Variants in ANO3 observed in about 807,000 individuals in gnomAD.
ANO3 encodes anoctamin 3, also known as anoctamin-3.
ANO3 carries 99 observed loss-of-function variants against 144.8 expected under a neutral mutation model. That is an observed-to-expected ratio of 0.68 (90% CI 0.58 to 0.81). The LOEUF (loss-of-function observed/expected upper bound fraction) is 0.81. ANO3 is among the 30% of genes least tolerant of loss of function. The probability of loss-of-function intolerance (pLI) is 0.00; values close to 1 mark genes in which losing one functional copy is unlikely to be tolerated. For missense variants in ANO3, 905 were observed against 1,202.2 expected (o/e 0.75, Z 3.66); for synonymous variants, 414 against 392.6 (o/e 1.05, Z -0.64).
chr11:26,556,635 A>C (rs1315674137), intron 13 of ANO3, among the ~76,000 whole-genome samples: 2 of 152,124 alleles, frequency 1.3e-5, no homozygotes, highest in Non-Finnish European at 2.9e-5. Flanking sequence ...TCTAGGACCA[A>C]ATTTTTTAAA....
chr11:26,562,988 A>G (rs1850353535), intron 14 of ANO3: 1 of 1,319,732 alleles, frequency 7.6e-7, no homozygotes, highest in African/African-American at 1.5e-5. Flanking sequence ...GTGGATCAGA[A>G]TAAGTCTTTA....
chr11:26,281,676 G>C (rs777899843), intron 1 of ANO3, among the ~76,000 whole-genome samples: 2 of 152,050 alleles, frequency 1.3e-5, no homozygotes, highest in Non-Finnish European at 2.9e-5. Flanking sequence ...AAAATATTTT[G>C]TCAGGAAAGC....
intron 17 of ANO3, among the ~76,000 whole-genome samples, chr11:26,608,920 G>C (rs993241338): frequency 3.3e-5 from 5 of 152,312 alleles, no homozygotes; most frequent in East Asian, 3.9e-4. Flanking sequence ...CCTTCAAAGA[G>C]CTCAAAGGGC....
chr11:26,487,250 T>C (rs1860489210), intron 4 of ANO3, among the ~76,000 whole-genome samples: 3 of 152,190 alleles, frequency 2.0e-5, no homozygotes, highest in Admixed American at 2.0e-4. Flanking sequence ...AGTGAATAAA[T>C]CTCAAGAGAT....
At chr11:26,478,136 A>G (rs1860058228) in intron 4 of ANO3, among the ~76,000 whole-genome samples, 1 of 152,150 alleles carries the variant, frequency 6.6e-6, no homozygotes, top group Non-Finnish European at 1.5e-5. Context: ...CCCCAGGGAA[A>G]CACTATATTG....
At chr11:26,342,428 T>A (rs188187873) in intron 1 of ANO3, among the ~76,000 whole-genome samples, 9 of 152,282 alleles carry the variant, frequency 5.9e-5, no homozygotes, top group Non-Finnish European at 1.0e-4. Flanking sequence ...GTTTGACCGC[T>A]TTTTGTTTTG....
chr11:26,551,567 C>T (rs556008510), intron 12 of ANO3, among the ~76,000 whole-genome samples: 5 of 152,052 alleles, frequency 3.3e-5, no homozygotes, highest in Admixed American at 6.6e-5. Flanking sequence ...AGACTTGGTG[C>T]TTCAATAAAT....
At chr11:26,642,865 CCT>C (rs889146059) in intron 22 of ANO3, among the ~76,000 whole-genome samples, 1 of 152,010 alleles carries the variant, frequency 6.6e-6, no homozygotes, top group African/African-American at 2.4e-5. Context: ...TTCTCCTCCT[CCT>C]CTGTTTTGTC....
At chr11:26,571,877 TA>T (rs1414504037) in intron 14 of ANO3, among the ~76,000 whole-genome samples, 1 of 152,148 alleles carries the variant, frequency 6.6e-6, no homozygotes, top group African/African-American at 2.4e-5. Context: ...CATTACTTAA[TA>T]AAACAACTAC....
At chr11:26,190,673 G>T (rs1851457725) in intron 1 of ANO3, among the ~76,000 whole-genome samples, 1 of 151,944 alleles carries the variant, frequency 6.6e-6, no homozygotes, top group African/African-American at 2.4e-5. Context: ...TATGCCGTTA[G>T]ATTCAACTAT....
intron 1 of ANO3, among the ~76,000 whole-genome samples, chr11:26,382,672 A>G (rs2133951848): frequency 6.6e-6 from 1 of 152,222 alleles, no homozygotes; most frequent in South Asian, 2.1e-4. Flanking sequence ...TCTGTTCGCA[A>G]GCTTACAACA....
At chr11:26,541,279 A>T (rs371933228) in intron 10 of ANO3, among the ~76,000 whole-genome samples, 3 of 152,024 alleles carry the variant, frequency 2.0e-5, no homozygotes, top group African/African-American at 7.2e-5. Context: ...GGAACATCAC[A>T]CAATGGGGCC....
chr11:26,195,656 A>G (rs1278773158), intron 1 of ANO3, among the ~76,000 whole-genome samples: 2 of 152,186 alleles, frequency 1.3e-5, no homozygotes, highest in East Asian at 3.9e-4. Flanking sequence ...GGCTTGTCTC[A>G]GGTCACTCAG....
intron 1 of ANO3, among the ~76,000 whole-genome samples, chr11:26,298,845 G>A (rs1195485475): frequency 1.3e-5 from 2 of 152,158 alleles, no homozygotes; most frequent in Non-Finnish European, 2.9e-5. Flanking sequence ...TTGGCCCCAA[G>A]CTTTTCTCCA....
intron 14 of ANO3, among the ~76,000 whole-genome samples, chr11:26,597,083 C>T (rs569569791): frequency 6.6e-6 from 1 of 151,950 alleles, no homozygotes; most frequent in South Asian, 2.1e-4. Flanking sequence ...AAGGATAGGA[C>T]AGAATAGCAA....
At position 26,496,995 on chromosome 11, in the gene ANO3, T is replaced by TATATATATAC. The variant is rs1206312744; in HGVS notation, c.433-11108_433-11107insTATATATACA. 3.0e-3 allele frequency among the ~76,000 whole-genome samples: 383 copies of TATATATATAC among 126,616 alleles called. 1 individual carries two copies. The highest frequency in any genetic ancestry group is 0.01 in the African/African-American group (363 of 36,214). 83.1% of individuals were successfully genotyped at this position (126,616 alleles called of 152,430 possible). The stretch of plus-strand genomic sequence containing the variant: ...GTGTGTATATATATATATATATATA[T>TATATATATAC]ACACACACAGACACACACACATATA... On this transcript the variant is annotated intron_variant, in intron 4 of 26. Coordinates refer to ENST00000256737, the MANE Select transcript of ANO3 (RefSeq NM_031418.4).
At chr11:26,191,215 T>C (rs570347398) in intron 1 of ANO3, among the ~76,000 whole-genome samples, 1 of 151,222 alleles carries the variant, frequency 6.6e-6, no homozygotes, top group African/African-American at 2.4e-5. Flanking sequence ...GAGGTGGAGG[T>C]TGTGGTGAGC....
At chr11:26,501,239 G>A (rs1257514067) in intron 4 of ANO3, among the ~76,000 whole-genome samples, 1 of 152,132 alleles carries the variant, frequency 6.6e-6, no homozygotes, top group Non-Finnish European at 1.5e-5. Flanking sequence ...GGACTGCAGA[G>A]GCAACATAAC....
chr11:26,410,469 G>T (rs533105358), intron 1 of ANO3, among the ~76,000 whole-genome samples: 1 of 151,950 alleles, frequency 6.6e-6, no homozygotes, highest in African/African-American at 2.4e-5. Context: ...ATACTATAAT[G>T]AAATTGAACA....
Sources: allele counts gnomAD v4.1 joint callset (sites outside exome capture counted in the v4.1 genomes callset), GRCh38; gene constraint gnomAD v4.1.1; transcripts MANE v1.5; gene names NCBI Gene and HGNC (gene_info 2026-07-23, HGNC 2026-07-21).